The following SNX29 variants were observed in gnomAD, a reference collection of about 807,000 sequenced individuals.
The protein encoded by SNX29 is sorting nexin 29.
SNX29 carries 78 observed loss-of-function variants against 102.1 expected under a neutral mutation model. The observed-to-expected ratio is 0.76, with a 90% confidence interval of 0.64 to 0.92. The LOEUF is 0.92. Ranked by LOEUF, SNX29 falls within the 40% of genes least tolerant of loss-of-function variation. The pLI is 0.00. For synonymous variants in SNX29, 580 were observed against 414.5 expected, an observed-to-expected ratio of 1.40 and a Z score of -4.85; for missense variants, 1,280 against 1,061.7, an observed-to-expected ratio of 1.21 and a Z score of -2.86.
At position 12,568,611 on chromosome 16, in the gene SNX29, C is replaced by T. The variant is rs774279039; in HGVS notation, c.2424C>T (p.Pro808=). The T allele has an allele frequency of 5.2e-5, 83 of 1,604,318 alleles. No homozygotes were observed. The African/African-American group carries it at 5.2e-4, about 10-fold the overall frequency. ...CCCGGGAGACCCGCAACGTGGAGCC[C>T]CAGAGCGGTGACCTCTGACCTCGAC... ...GQPRETRNVE[P]QSGDL is the part of the protein sequence containing the mutation. The change falls in exon 21 of 21, where the codon CCC becomes CCT. Residue 808 remains proline, a synonymous_variant. Coordinates refer to ENST00000566228, the MANE Select transcript of SNX29 (RefSeq NM_032167.5).
At position 12,054,007 on chromosome 16, in the gene SNX29, G is replaced by A. The variant is rs181606176; in HGVS notation, c.1124+1785G>A. 5.8e-3 allele frequency among the ~76,000 whole-genome samples: 860 copies of A among 149,436 alleles called. 10 individuals are homozygous for A. Among genetic ancestry groups the A allele is most frequent in the Middle Eastern group, 0.017 (5 of 290 alleles). ...TTTTGAGACAGAGTCTTGCTCTGTC[G>A]CCCAGGCTGGGGTGCAGTGGCGTGA... is the stretch of plus-strand genomic sequence containing the variant. On this transcript the variant is annotated intron_variant, in intron 8 of 20. Coordinates refer to ENST00000566228, the MANE Select transcript of SNX29 (RefSeq NM_032167.5).
Position 11,999,315 on chromosome 16 carries a change from A to T in SNX29, c.26A>T (p.Lys9Ile), listed in dbSNP as rs868357541. The change falls in exon 2 of 21, where the codon AAA becomes ATA. Residue 9 changes from lysine to isoleucine, a missense_variant. Transcript: ENST00000566228. MSGSQNND[K>I]RQFLLERLLD... is the part of the protein sequence containing the mutation. ...ATTTTAGGATCACAGAACAATGACA[A>T]AAGACAATTTCTGCTGGAGCGACTG... 2 of 1,614,158 alleles carry T rather than the reference A, an allele frequency of 1.2e-6. No homozygotes were observed. The highest frequency in any genetic ancestry group is 1.7e-6 in the Non-Finnish European group (2 of 1,179,994).
chr16:12,526,881 G>C (rs897077288), intron 20 of SNX29: 1 of 396,386 alleles, frequency 2.5e-6, no homozygotes, highest in East Asian at 4.3e-5. Context: ...GAGCCTGTCG[G>C]TGTGACATGA....
chr16:12,463,637 G>C (rs2086911500), intron 18 of SNX29, among the ~76,000 whole-genome samples: 1 of 152,062 alleles, frequency 6.6e-6, no homozygotes, highest in African/African-American at 2.4e-5. Flanking sequence ...ATGAGATTTG[G>C]GTGGGGATAC....
intron 15 of SNX29, among the ~76,000 whole-genome samples, chr16:12,333,486 T>C (rs1039880526): frequency 4.6e-5 from 7 of 152,066 alleles, no homozygotes; most frequent in Non-Finnish European, 1.0e-4. Context: ...AGCTCAGAGA[T>C]TAAGTAATTT....
chr16:12,289,648 C>G (rs2079726931), intron 15 of SNX29, among the ~76,000 whole-genome samples: 1 of 152,152 alleles, frequency 6.6e-6, no homozygotes, highest in South Asian at 2.1e-4. Context: ...GATGAACTTC[C>G]TTAGAGAAAC....
chr16:12,429,519 T>A (rs1328536194), intron 18 of SNX29, among the ~76,000 whole-genome samples: 1 of 152,174 alleles, frequency 6.6e-6, no homozygotes, highest in Non-Finnish European at 1.5e-5. Flanking sequence ...TGCTTGGGCT[T>A]AAGCTGCCCA....
intron 19 of SNX29, among the ~76,000 whole-genome samples, chr16:12,490,990 T>C (rs996371402): frequency 6.6e-6 from 1 of 152,256 alleles, no homozygotes; most frequent in Non-Finnish European, 1.5e-5. Context: ...GTTTTCTTTT[T>C]ACAGCTTCAC....
At chr16:12,554,839 G>T (rs149796525) in intron 20 of SNX29, among the ~76,000 whole-genome samples, 5 of 152,258 alleles carry the variant, frequency 3.3e-5, no homozygotes. Context: ...CATTCTTTCC[G>T]TAGGTGCCAG....
intron 10 of SNX29, 103 bp downstream of exon 10, chr16:12,069,235 A>T (rs1203980019): frequency 1.1e-6 from 1 of 948,218 alleles, no homozygotes; most frequent in East Asian, 2.5e-5. Flanking sequence ...CTAGGATTAA[A>T]GGGCAAGGGT....
intron 13 of SNX29, among the ~76,000 whole-genome samples, chr16:12,190,811 C>T (rs1241641647): frequency 2.6e-5 from 4 of 151,904 alleles, no homozygotes; most frequent in African/African-American, 9.7e-5. Flanking sequence ...TATTGGGTAG[C>T]GGGGCAGCAG....
At chr16:12,053,231 C>G (rs376225919) in intron 8 of SNX29, 4 of 149,808 alleles carry the variant, frequency 2.7e-5, no homozygotes, top group African/African-American at 9.9e-5. Context: ...AGAGGCGGAG[C>G]CAAGATGATG....
chr16:12,292,690 C>T (rs868773), intron 15 of SNX29, among the ~76,000 whole-genome samples: 79,775 of 152,060 alleles, frequency 0.52, 21,383 homozygotes, highest in Non-Finnish European at 0.59. Flanking sequence ...CCAGGTGCCC[C>T]GCCATTTTAG....
intron 20 of SNX29, among the ~76,000 whole-genome samples, chr16:12,553,744 C>G (rs908750498): frequency 1.3e-5 from 2 of 152,066 alleles, no homozygotes; most frequent in Non-Finnish European, 2.9e-5. Flanking sequence ...CATGCCACCA[C>G]CCCCAGCCTA....
At chr16:12,512,823 A>T (rs9932336) in intron 19 of SNX29, among the ~76,000 whole-genome samples, 1 of 152,002 alleles carries the variant, frequency 6.6e-6, no homozygotes, top group South Asian at 2.1e-4. Context: ...GATCCCATGG[A>T]CTCAATCAAT....
chr16:12,043,281 G>A (rs2049960041), intron 5 of SNX29, among the ~76,000 whole-genome samples: 1 of 152,182 alleles, frequency 6.6e-6, no homozygotes, highest in East Asian at 1.9e-4. Context: ...GGCTCGGCAT[G>A]GCACTTGCAT....
At chr16:12,521,178 T>C (rs887141555) in intron 19 of SNX29, among the ~76,000 whole-genome samples, 4 of 151,894 alleles carry the variant, frequency 2.6e-5, no homozygotes, top group African/African-American at 9.7e-5. Flanking sequence ...AGACACTGTC[T>C]CAAAAAAACA....
chr16:12,546,639 T>C lies in SNX29; in HGVS notation c.2318+21798T>C, dbSNP rs574659061. 7.2e-5 allele frequency: 11 copies of C among 152,352 alleles called. No homozygotes were observed. The South Asian group carries it at 1.7e-3, about 23-fold the overall frequency. 9.4% of individuals were successfully genotyped at this position (152,352 alleles called of 1,614,324 possible). A position where few individuals can be genotyped will look rare whatever the true frequency, so the allele number is the denominator to read the frequency against. ...TGCCAGATTGATCTATTGATAATTA[T>C]AAACAATTACCAAGAAGAGTGGATA... On this transcript the variant is annotated intron_variant, in intron 20 of 20. Transcript: ENST00000566228.
intron 13 of SNX29, among the ~76,000 whole-genome samples, chr16:12,154,726 A>G (rs1460678376): frequency 6.6e-6 from 1 of 152,192 alleles, no homozygotes; most frequent in Non-Finnish European, 1.5e-5. Flanking sequence ...GTCCAAGATC[A>G]AGGTGCCAGC....
Sources: gnomAD v4.1 joint callset for allele counts (sites outside exome capture counted in the v4.1 genomes callset) on GRCh38, gnomAD v4.1.1 for gene constraint, MANE v1.5 for transcripts, NCBI Gene and HGNC (gene_info 2026-07-23, HGNC 2026-07-21) for gene names.